Variants in RHEX observed in about 807,000 individuals in gnomAD.
RHEX encodes the protein regulator of hemoglobinization and erythroid cell expansion, also known as regulator of hemoglobinization and erythroid cell expansion protein.
Under a neutral mutation model 20.1 loss-of-function variants are expected in RHEX, and 18 were observed. The observed-to-expected ratio is 0.90, with a 90% CI of 0.62 to 1.33. The LOEUF (loss-of-function observed/expected upper bound fraction) is 1.33, where lower values mean the gene tolerates loss of function less well. Ranked by LOEUF, RHEX falls within the 40% of genes most tolerant of loss-of-function variation. The pLI is 0.00. For missense variants in RHEX, 192 were observed against 214.3 expected, an observed-to-expected ratio of 0.90 and a Z score of 0.65; for synonymous variants, 87 against 77.1, an observed-to-expected ratio of 1.13 and a Z score of -0.67.
intron 1 of RHEX, among the ~76,000 whole-genome samples, chr1:206,093,536 T>C (rs915702907): frequency 3.9e-5 from 6 of 152,232 alleles, no homozygotes; most frequent in Non-Finnish European, 2.9e-5. Context: ...CCCAAAGTGC[T>C]GGGATTACAG....
chr1:206,059,614 A>G (rs1172643536), intron 1 of RHEX, among the ~76,000 whole-genome samples: 4 of 151,284 alleles, frequency 2.6e-5, no homozygotes, highest in Admixed American at 2.6e-4. Flanking sequence ...CTGAATGCAG[A>G]TAAAGAGAGC....
intron 1 of RHEX, among the ~76,000 whole-genome samples, chr1:206,072,348 G>T (rs1315361154): frequency 6.6e-6 from 1 of 152,152 alleles, no homozygotes; most frequent in Non-Finnish European, 1.5e-5. Flanking sequence ...GGCCGAGGTG[G>T]GTGGATCACA....
At chr1:206,059,778 G>C (rs1662273984) in intron 1 of RHEX, among the ~76,000 whole-genome samples, 2 of 152,082 alleles carry the variant, frequency 1.3e-5, no homozygotes, top group African/African-American at 4.8e-5. Flanking sequence ...GCTGGAGAGG[G>C]GATGGACTTT....
chr1:206,101,946 C>T lies in RHEX; in HGVS notation c.513C>T (p.Ala171=). 1 of 1,610,702 alleles carries T rather than the reference C, an allele frequency of 6.2e-7. No homozygotes were observed. Among genetic ancestry groups the T allele is most frequent in the Non-Finnish European group, 8.5e-7 (1 of 1,177,026 alleles). Residue 171 remains alanine (A), a synonymous_variant, in exon 6 of 6, where the codon GCC becomes GCT. Coordinates refer to ENST00000331555, the MANE Select transcript of RHEX (RefSeq NM_001007544.4). ...LSEPAEYDQV[A]M ...AGCCAGCGGAATATGATCAAGTGGC[C>T]ATGTGAATTCCAAATATTTTTAATG...
At chr1:206,083,182 G>A (rs925388736) in intron 1 of RHEX, among the ~76,000 whole-genome samples, 1 of 152,184 alleles carries the variant, frequency 6.6e-6, no homozygotes, top group Non-Finnish European at 1.5e-5. Context: ...ATTTTACAGA[G>A]GAAGAACATG....
At chr1:206,064,429 G>C (rs1239867373) in intron 1 of RHEX, among the ~76,000 whole-genome samples, 1 of 105,528 alleles carries the variant, frequency 9.5e-6, no homozygotes, top group African/African-American at 4.5e-5. Context: ...CCCCGTCCGG[G>C]AGGGAGGTGG....
intron 1 of RHEX, among the ~76,000 whole-genome samples, chr1:206,055,729 A>T (rs1164653967): frequency 6.6e-6 from 1 of 152,260 alleles, no homozygotes; most frequent in African/African-American, 2.4e-5. Context: ...GAAAAAACCC[A>T]TGTCGGCCCC....
At chr1:206,081,856 G>A (rs1662741975) in intron 1 of RHEX, among the ~76,000 whole-genome samples, 1 of 152,154 alleles carries the variant, frequency 6.6e-6, no homozygotes, top group Admixed American at 6.5e-5. Context: ...TCCTGTGAAT[G>A]GATAATAGAA....
At chr1:206,066,704 G>C (rs894704228) in intron 1 of RHEX, among the ~76,000 whole-genome samples, 1 of 152,212 alleles carries the variant, frequency 6.6e-6, no homozygotes, top group Non-Finnish European at 1.5e-5. Flanking sequence ...GAAGGGAGAG[G>C]CTGAGATTTA....
chr1:206,085,402 G>A (rs28545078), intron 1 of RHEX, among the ~76,000 whole-genome samples: 17,325 of 152,158 alleles, frequency 0.11, 1,141 homozygotes, highest in South Asian at 0.19. Flanking sequence ...CAGGCCAATC[G>A]ATGAAACAGA....
intron 1 of RHEX, among the ~76,000 whole-genome samples, chr1:206,086,072 C>T (rs1662833830): frequency 6.6e-6 from 1 of 152,204 alleles, no homozygotes; most frequent in African/African-American, 2.4e-5. Context: ...TCCCTTTCCT[C>T]AGCCTGGCGT....
At chr1:206,055,320 C>T (rs868995159) in intron 1 of RHEX, among the ~76,000 whole-genome samples, 9 of 152,258 alleles carry the variant, frequency 5.9e-5, no homozygotes, top group Non-Finnish European at 8.8e-5. Context: ...TTTTCAAGAG[C>T]TTATCAGTCA....
intron 1 of RHEX, among the ~76,000 whole-genome samples, chr1:206,055,587 T>A (rs1286617064): frequency 6.6e-6 from 1 of 152,392 alleles, no homozygotes; most frequent in African/African-American, 2.4e-5. Context: ...CCAGATCAAT[T>A]TAAAGTCCGA....
At chr1:206,091,860 T>C (rs1378042259) in intron 1 of RHEX, among the ~76,000 whole-genome samples, 1 of 152,140 alleles carries the variant, frequency 6.6e-6, no homozygotes, top group African/African-American at 2.4e-5. Context: ...TATACCTCCA[T>C]ATTCATAAAT....
chr1:206,085,548 A>C lies in RHEX; in HGVS notation c.-96-12185A>C, dbSNP rs76746309. Among the ~76,000 whole-genome samples the C allele has an allele frequency of 2.5e-4, 38 of 152,326 alleles. 1 individual carries two copies. In the East Asian group the frequency reaches 6.4e-3, roughly 25 times the overall value. On this transcript the variant is annotated intron_variant, in intron 1 of 5. Coordinates refer to ENST00000331555, the MANE Select transcript of RHEX (RefSeq NM_001007544.4). ...TGGAACTAAGTTGCATCCACATTGCATTCATCTCTAGTAGTTCCTTGCAAA... is the reference window on the plus strand; with the variant it reads ...TGGAACTAAGTTGCATCCACATTGCCTTCATCTCTAGTAGTTCCTTGCAAA...
At chr1:206,063,927 C>T (rs2102307898) in intron 1 of RHEX, among the ~76,000 whole-genome samples, 2 of 151,624 alleles carry the variant, frequency 1.3e-5, no homozygotes, top group Middle Eastern at 3.4e-3. Flanking sequence ...GCCCGGCCGC[C>T]ATCCCATCTG....
chr1:206,068,281 A>G (rs1307303277), intron 1 of RHEX, among the ~76,000 whole-genome samples: 3 of 152,186 alleles, frequency 2.0e-5, no homozygotes, highest in Non-Finnish European at 4.4e-5. Context: ...GTTGTTTTGT[A>G]CAATAAAGTG....
intron 4 of RHEX, 133 bp from the exon 5 acceptor site, chr1:206,101,002 AC>A (rs571225895): frequency 1.3e-5 from 8 of 606,582 alleles, no homozygotes; most frequent in African/African-American, 1.9e-5. Context: ...TCTCTTCCCT[AC>A]CCCCCCTTTT....
chr1:206,070,424 C>G (rs1192899671), intron 1 of RHEX, among the ~76,000 whole-genome samples: 1 of 152,104 alleles, frequency 6.6e-6, no homozygotes, highest in African/African-American at 2.4e-5. Flanking sequence ...CTGTTGTTAT[C>G]TCTCCTGGGA....
Sources: allele counts gnomAD v4.1 joint callset (sites outside exome capture counted in the v4.1 genomes callset), GRCh38; gene constraint gnomAD v4.1.1; transcripts MANE v1.5; gene names NCBI Gene and HGNC (gene_info 2026-07-23, HGNC 2026-07-21).